RUFY2: variants seen among roughly 807,000 people sequenced by gnomAD.
RUFY2 encodes RUN and FYVE domain-containing protein 2.
In RUFY2, 49 loss-of-function variants were observed where a neutral mutation model predicts 94.4. The observed-to-expected ratio is 0.52, with a 90% CI of 0.41 to 0.66. RUFY2 has a LOEUF of 0.66. RUFY2 is among the 30% of genes least tolerant of loss of function. The probability of loss-of-function intolerance (pLI) is 0.00; values close to 1 mark genes in which losing one functional copy is unlikely to be tolerated. For missense variants in RUFY2, 541 were observed against 692.8 expected (o/e 0.78, Z 2.46); for synonymous variants, 255 against 235.7 (o/e 1.08, Z -0.75).
intron 10 of RUFY2, among the ~76,000 whole-genome samples, chr10:68,383,018 T>C (rs999328004): frequency 7.2e-5 from 11 of 152,224 alleles, no homozygotes; most frequent in African/African-American, 2.4e-4. Context: ...ATACTGTAAC[T>C]TACAGTTTAA....
intron 1 of RUFY2, chr10:68,406,691 C>T (rs1463167433): frequency 1.4e-6 from 2 of 1,427,316 alleles, no homozygotes; most frequent in Non-Finnish European, 1.9e-6. Context: ...CTTCCTGCCC[C>T]CTCCCCCCAG....
intron 16 of RUFY2, 83 bp from the exon 17 acceptor site, chr10:68,346,167 AT>A: frequency 3.3e-6 from 3 of 922,016 alleles, no homozygotes; most frequent in Non-Finnish European, 5.0e-6. Context: ...AACATTATTT[AT>A]AGGAATAGAT....
chr10:68,401,744 A>C lies in RUFY2; in HGVS notation c.179-7T>G. On this transcript the variant is annotated splice_polypyrimidine_tract_variant and splice_region_variant and intron_variant, in intron 2 of 17. Coordinates refer to ENST00000602465, the MANE Select transcript of RUFY2 (RefSeq NM_001330103.2). ...CTCAAAAATGATTTTCTTACTGAAA[A>C]AAAGAACACATAATGCACACAATGT... 1 of 1,514,064 alleles carries C rather than the reference A, an allele frequency of 6.6e-7. No homozygotes were observed. The highest frequency in any genetic ancestry group is 9.2e-7 in the Non-Finnish European group (1 of 1,088,778). 93.8% of individuals were successfully genotyped at this position (1,514,064 alleles called of 1,614,324 possible). A position where few individuals can be genotyped will look rare whatever the true frequency, so the allele number is the denominator to read the frequency against.
At chr10:68,355,200 G>A (rs1015321871) in intron 16 of RUFY2, among the ~76,000 whole-genome samples, 153 bp downstream of exon 16, 4 of 152,134 alleles carry the variant, frequency 2.6e-5, no homozygotes, top group African/African-American at 9.7e-5. Flanking sequence ...TAGGGGTACA[G>A]GGAAGAGCTG....
rs182231202 is a variant in RUFY2 at position 68,351,052 on chromosome 10, T to C, written c.1599+4301A>G. On this transcript the variant is annotated intron_variant, in intron 16 of 17. Coordinates refer to ENST00000602465, the MANE Select transcript of RUFY2 (RefSeq NM_001330103.2). The stretch of plus-strand genomic sequence containing the variant: ...GTTGTACTATATATGCATTCTTATA[T>C]GCATATTTCACAAAACTTTTTTTAG... 6.5e-3 allele frequency among the ~76,000 whole-genome samples: 986 copies of C among 152,114 alleles called. 8 individuals carry two copies. Among genetic ancestry groups the C allele is most frequent in the African/African-American group, 0.022 (917 of 41,474 alleles).
At chr10:68,369,135 A>G (rs1032071614) in intron 13 of RUFY2, among the ~76,000 whole-genome samples, 2 of 152,190 alleles carry the variant, frequency 1.3e-5, no homozygotes, top group Non-Finnish European at 2.9e-5. Context: ...TATGGTTTGA[A>G]TGTTTGTCCT....
Position 68,344,684 on chromosome 10 carries a change from C to CG in RUFY2, c.*1083dup, listed in dbSNP as rs984567051. ...AGGCAACAAGAGTGAAACTCCATCT[C>CG]GAAAAAAAAAGAAATAGGTCAAGTG... On this transcript the variant is annotated 3_prime_UTR_variant, in exon 18 of 18. Transcript: ENST00000602465. 3 of 150,880 alleles carry CG rather than the reference C, an allele frequency of 2.0e-5. No homozygotes were observed. The highest frequency in any genetic ancestry group is 3.9e-4 in the East Asian group (2 of 5,170). The allele number at this position is 150,880 out of a possible 1,614,324, so 9.3% of individuals were successfully genotyped here.
rs540739015 is a variant in RUFY2 at position 68,355,116 on chromosome 10, G to A, written c.1599+237C>T. On this transcript the variant is annotated intron_variant, in intron 16 of 17. Coordinates refer to ENST00000602465, the MANE Select transcript of RUFY2 (RefSeq NM_001330103.2). ...CCTGCCTCGGCCTCCCAAAGAGCTC[G>A]GATTACGGGCGTGAGCCACTGCGCC... 1.6e-4 allele frequency among the ~76,000 whole-genome samples: 25 copies of A among 152,240 alleles called. 2 individuals are homozygous for A. The South Asian group carries it at 4.6e-3, about 28-fold the overall frequency.
intron 2 of RUFY2, among the ~76,000 whole-genome samples, chr10:68,403,477 C>T (rs1027927248): frequency 1.5e-4 from 23 of 152,206 alleles, no homozygotes; most frequent in African/African-American, 5.5e-4. Context: ...TCTTGAACTC[C>T]TGACCTCAAA....
At chr10:68,373,007 A>T (rs1689667397) in intron 13 of RUFY2, among the ~76,000 whole-genome samples, 1 of 152,232 alleles carries the variant, frequency 6.6e-6, no homozygotes, top group African/African-American at 2.4e-5. Context: ...AATTAGATTA[A>T]ATTTAAACAT....
intron 13 of RUFY2, among the ~76,000 whole-genome samples, chr10:68,370,460 T>C (rs1482371952): frequency 1.3e-5 from 2 of 150,168 alleles, no homozygotes; most frequent in African/African-American, 2.4e-5. Context: ...TTTTTTTTTT[T>C]TTTTTTTGAG....
At chr10:68,375,717 A>C (rs923754272) in intron 13 of RUFY2, among the ~76,000 whole-genome samples, 1 of 150,414 alleles carries the variant, frequency 6.6e-6, no homozygotes, top group Non-Finnish European at 1.5e-5. Flanking sequence ...CGGAGCTTGC[A>C]GTGAGCCGAG....
intron 7 of RUFY2, 69 bp downstream of exon 7, chr10:68,393,069 A>C: frequency 1.3e-6 from 1 of 759,280 alleles, no homozygotes; most frequent in East Asian, 2.8e-5. Flanking sequence ...GGAATACGGT[A>C]AGCTGAAGGG....
At chr10:68,352,187 C>G (rs2046729827) in intron 16 of RUFY2, among the ~76,000 whole-genome samples, 1 of 152,126 alleles carries the variant, frequency 6.6e-6, no homozygotes, top group African/African-American at 2.4e-5. Flanking sequence ...TCTCAAACTC[C>G]TGGCCTCAAG....
In RUFY2 at chr10:68,345,779, T is replaced by A. The variant is rs748781275; in HGVS notation, c.1810A>T (p.Asn604Tyr). 1 of 1,612,652 alleles carries A rather than the reference T, an allele frequency of 6.2e-7. No homozygotes were observed. Among genetic ancestry groups the A allele is most frequent in the Non-Finnish European group, 8.5e-7 (1 of 1,179,352 alleles). ...TTAGTTCTGGAGTCTCAGGGCAAGT[T>A]AGATGAGCATCTCTGAATGAGCAGT... ...HALLIQRCSS[N>Y]LP Residue 604 changes from asparagine (N) to tyrosine (Y), a missense_variant, in exon 18 of 18, where the codon AAC becomes TAC. By Grantham distance (143) the Asn-to-Tyr change is moderately radical. Around this residue, in one of 3 missense-constraint regions of RUFY2, gnomAD observed 403 missense variants for 480.7 expected, o/e 0.84. Transcript: ENST00000602465.
At chr10:68,363,136 T>C (rs554268725) in intron 15 of RUFY2, among the ~76,000 whole-genome samples, 1 of 152,324 alleles carries the variant, frequency 6.6e-6, no homozygotes, top group African/African-American at 2.4e-5. Flanking sequence ...ATAAAATCTC[T>C]CTAGTCTAGT....
intron 8 of RUFY2, 116 bp from the exon 9 acceptor site, chr10:68,384,268 C>G (rs1485530436): frequency 3.1e-6 from 4 of 1,309,360 alleles, no homozygotes; most frequent in Non-Finnish European, 4.0e-6. Context: ...AGCAAAAGGT[C>G]TGTCACATTC....
chr10:68,377,721 C>T, intron 12 of RUFY2: 1 of 985,128 alleles, frequency 1.0e-6, no homozygotes, highest in Non-Finnish European at 1.2e-6. Flanking sequence ...CCTTCTTTGG[C>T]CATCTAGGAT....
At position 68,376,909 on chromosome 10, in the gene RUFY2, T is replaced by C. The variant is rs763646030; in HGVS notation, c.1269A>G (p.Glu423=). The C allele has an allele frequency of 1.2e-6, 2 of 1,613,828 alleles. No individual in the cohort carries two copies. The highest frequency in any genetic ancestry group is 2.2e-5 in the South Asian group (2 of 91,076). The change falls in exon 13 of 18, where the codon GAA becomes GAG. Residue 423 remains glutamate, a synonymous_variant. Coordinates refer to ENST00000602465, the MANE Select transcript of RUFY2 (RefSeq NM_001330103.2). ...GCAGACTATCAGATTTACTGAGACATTCTTGTAGATATTTCTCATCCTCAT... is the reference window on the plus strand; with the variant it reads ...GCAGACTATCAGATTTACTGAGACACTCTTGTAGATATTTCTCATCCTCAT... The part of the protein sequence containing the change: ...AEDEDEKYLQ[E]CLSKSDSLQK...
Sources: gnomAD v4.1 joint callset for allele counts (sites outside exome capture counted in the v4.1 genomes callset) on GRCh38, gnomAD v4.1.1 for gene constraint, gnomAD v4.1.1 regional missense constraint, MANE v1.5 for transcripts, NCBI Gene and HGNC (gene_info 2026-07-23, HGNC 2026-07-21) for gene names.